The following ACKR2 variants were observed in gnomAD, a reference collection of about 807,000 sequenced individuals.
ACKR2 encodes the protein atypical chemokine receptor 2, also known as C-C chemokine receptor D6.
For synonymous variants in ACKR2, 207 were observed against 192.2 expected (o/e 1.08, Z -0.64); for missense variants, 457 against 477.3 (o/e 0.96, Z 0.40).
chr3:42,812,137 G>A (rs569519673), intron 1 of ACKR2, among the ~76,000 whole-genome samples: 3 of 152,200 alleles, frequency 2.0e-5, no homozygotes, highest in Admixed American at 1.3e-4. Flanking sequence ...TCAGTCTCTC[G>A]TTCCACCTGA....
chr3:42,828,092 A>ATATATATATTTTTTTTTTTTT (rs1193533555), intron 2 of ACKR2, among the ~76,000 whole-genome samples: 1 of 121,900 alleles, frequency 8.2e-6, no homozygotes, highest in Non-Finnish European at 1.7e-5. Context: ...ATATATATAT[A>ATATATATATTTTTTTTTTTTT]TTTTTTTTTT....
At chr3:42,837,475 G>T (rs1700996818) in intron 2 of ACKR2, among the ~76,000 whole-genome samples, 1 of 152,166 alleles carries the variant, frequency 6.6e-6, no homozygotes, top group African/African-American at 2.4e-5. Context: ...TCTCTTCTCA[G>T]CCTCCCAAAG....
At chr3:42,822,408 A>G (rs1264943241) in intron 2 of ACKR2, among the ~76,000 whole-genome samples, 1 of 152,180 alleles carries the variant, frequency 6.6e-6, no homozygotes, top group Non-Finnish European at 1.5e-5. Flanking sequence ...CTCTAAATTA[A>G]AGCTCTCTGT....
intron 1 of ACKR2, among the ~76,000 whole-genome samples, chr3:42,809,770 G>A (rs1700675897): frequency 6.6e-6 from 1 of 152,042 alleles, no homozygotes; most frequent in Admixed American, 6.6e-5. Flanking sequence ...GCTAAGGCAG[G>A]AGAATTGTGT....
rs776281860 is a variant in ACKR2 at position 42,865,387 on chromosome 3, G to A, written c.885G>A (p.Gln295=). Residue 295 remains glutamine (Q), a synonymous_variant, in exon 3 of 3, where the codon CAG becomes CAA. Transcript: ENST00000422265. ...EVSQHLDYAL[Q]VTESIAFLHC... is the part of the protein sequence containing the mutation. Reference sequence around the variant, plus strand: ...GCCAGCATCTAGACTACGCACTCCAGGTAACAGAGAGCATCGCCTTCCTTC... The same window carrying A: ...GCCAGCATCTAGACTACGCACTCCAAGTAACAGAGAGCATCGCCTTCCTTC... 72 of 1,614,054 alleles carry A rather than the reference G, an allele frequency of 4.5e-5. No homozygotes were observed. The highest frequency in any genetic ancestry group is 5.8e-5 in the Non-Finnish European group (68 of 1,180,044).
rs145889536 is a variant in ACKR2 at position 42,836,139 on chromosome 3, G to A, written c.-38+16428G>A. Among the ~76,000 whole-genome samples, 681 of 152,120 alleles carry A rather than the reference G, an allele frequency of 4.5e-3. 6 individuals are homozygous for A. The highest frequency in any genetic ancestry group is 0.016 in the African/African-American group (656 of 41,484). On this transcript the variant is annotated intron_variant, in intron 2 of 2. Transcript: ENST00000422265. ...CATATCTAAACTGAGAGTAATTCAC[G>A]TATTATGGAACAATTTTCCAAACAT...
Position 42,852,799 on chromosome 3 carries a change from T to C in ACKR2, c.-37-11667T>C, listed in dbSNP as rs1388063197. 2.0e-5 allele frequency among the ~76,000 whole-genome samples: 3 copies of C among 152,236 alleles called. No homozygotes were observed. The highest frequency in any genetic ancestry group is 7.2e-5 in the African/African-American group (3 of 41,466). ...TTTGTTTTTGTTTTTTGGCCTCTTT[T>C]CTATTTTTCCACTGTATTTCCACAT... On this transcript the variant is annotated intron_variant, in intron 2 of 2. Transcript: ENST00000422265. This position sits in a 1 kb window ranked among gnomAD's most constrained non-coding sequence, Gnocchi z 4.3.
At position 42,859,900 on chromosome 3, in the gene ACKR2, C is replaced by A. The variant is rs180801523; in HGVS notation, c.-37-4566C>A. ...ACAAAAACATACCAAATTGTAAAGACCATTGACACTATGAAGAAACTGCAT... is the reference window on the plus strand; with the variant it reads ...ACAAAAACATACCAAATTGTAAAGAACATTGACACTATGAAGAAACTGCAT... On this transcript the variant is annotated intron_variant, in intron 2 of 2. Transcript: ENST00000422265. Among the ~76,000 whole-genome samples the A allele has an allele frequency of 7.4e-3, 1,127 of 151,990 alleles. 18 individuals carry two copies. The South Asian group carries it at 0.077, about 10-fold the overall frequency.
At chr3:42,840,025 G>A (rs1236406316) in intron 2 of ACKR2, among the ~76,000 whole-genome samples, 1 of 152,060 alleles carries the variant, frequency 6.6e-6, no homozygotes, top group African/African-American at 2.4e-5. Flanking sequence ...TTGGGAAGCC[G>A]AGGCGGGTGG....
At chr3:42,856,846 G>T (rs2088326322) in intron 2 of ACKR2, among the ~76,000 whole-genome samples, 2 of 150,784 alleles carry the variant, frequency 1.3e-5, no homozygotes, top group South Asian at 4.3e-4. Context: ...TTCCCCATTG[G>T]TGAATGCTCT....
At chr3:42,851,528 A>C in intron 2 of ACKR2, 1 of 770,634 alleles carries the variant, frequency 1.3e-6, no homozygotes, top group Non-Finnish European at 1.6e-6. Flanking sequence ...GACTGAACCC[A>C]GTGGCTTGGG....
At chr3:42,821,975 C>T (rs538070392) in intron 2 of ACKR2, among the ~76,000 whole-genome samples, 62 of 152,158 alleles carry the variant, frequency 4.1e-4, no homozygotes, top group Non-Finnish European at 8.2e-4. Context: ...GGATTACAGG[C>T]GTGAGCCACC....
In ACKR2 at chr3:42,827,432, T is replaced by C. The variant is rs375543009; in HGVS notation, c.-38+7721T>C. Among the ~76,000 whole-genome samples the C allele has an allele frequency of 5.9e-5, 9 of 152,310 alleles. No individual in the cohort carries two copies. In the East Asian group the frequency reaches 1.7e-3, roughly 29 times the overall value. On this transcript the variant is annotated intron_variant, in intron 2 of 2. Transcript: ENST00000422265. Reference sequence around the variant, plus strand: ...TCTTTCTAAATTCTGATGTTATGGGTTTCTTTGTGCAGAGCCATGTTGTAA... The same window carrying C: ...TCTTTCTAAATTCTGATGTTATGGGCTTCTTTGTGCAGAGCCATGTTGTAA...
intron 1 of ACKR2, among the ~76,000 whole-genome samples, chr3:42,813,865 G>A (rs1700719783): frequency 2.6e-5 from 4 of 152,188 alleles, no homozygotes; most frequent in Admixed American, 6.5e-5. Context: ...GTTCCATGGT[G>A]AGCTGTTTTT....
chr3:42,814,204 C>T (rs905878654), intron 1 of ACKR2, among the ~76,000 whole-genome samples: 7 of 152,220 alleles, frequency 4.6e-5, no homozygotes, highest in African/African-American at 9.6e-5. Flanking sequence ...ACACTTACAT[C>T]TTTCATAATA....
chr3:42,820,592 C>CAAAA (rs749184218), intron 2 of ACKR2, among the ~76,000 whole-genome samples: 2 of 69,810 alleles, frequency 2.9e-5, no homozygotes, highest in Admixed American at 1.7e-4. Flanking sequence ...GACTCTGTCT[C>CAAAA]AAAAAAAAAA....
chr3:42,842,098 G>A (rs1701044847), intron 2 of ACKR2, among the ~76,000 whole-genome samples: 1 of 152,186 alleles, frequency 6.6e-6, no homozygotes, highest in Admixed American at 6.5e-5. Flanking sequence ...CACAGTGATG[G>A]CACTGATTGT....
At chr3:42,821,453 C>T (rs1444153323) in intron 2 of ACKR2, among the ~76,000 whole-genome samples, 1 of 152,164 alleles carries the variant, frequency 6.6e-6, no homozygotes, top group African/African-American at 2.4e-5. Context: ...ACACACTTGA[C>T]ATACGAAAGT....
At chr3:42,842,037 C>A (rs982357373) in intron 2 of ACKR2, among the ~76,000 whole-genome samples, 12 of 152,156 alleles carry the variant, frequency 7.9e-5, no homozygotes, top group African/African-American at 2.9e-4. Context: ...GACCCTACCG[C>A]TTCATAGGGT....
Sources: allele counts gnomAD v4.1 joint callset (sites outside exome capture counted in the v4.1 genomes callset), GRCh38; gene constraint gnomAD v4.1.1; non-coding constraint Gnocchi (gnomAD v3.1); transcripts MANE v1.5; gene names NCBI Gene and HGNC (gene_info 2026-07-23, HGNC 2026-07-21).